The following SEC63 variants were observed in gnomAD, a reference collection of about 807,000 sequenced individuals.
The protein encoded by SEC63 is translocation protein SEC63 homolog.
In SEC63, 56 loss-of-function variants were observed where a neutral mutation model predicts 116.2. The ratio of observed to expected loss-of-function variants is 0.48; its 90% CI spans 0.39 to 0.60. The LOEUF (loss-of-function observed/expected upper bound fraction) is 0.60, where lower values mean the gene tolerates loss of function less well. SEC63 is among the 20% of genes least tolerant of loss of function. The pLI is 0.00. For missense variants in SEC63, 668 were observed against 900.0 expected, an observed-to-expected ratio of 0.74 and a Z score of 3.30; for synonymous variants, 273 against 294.6, an observed-to-expected ratio of 0.93 and a Z score of 0.75.
chr6:107,951,657 A>T (rs1222055122), intron 1 of SEC63, among the ~76,000 whole-genome samples: 2 of 152,180 alleles, frequency 1.3e-5, no homozygotes, highest in African/African-American at 4.8e-5. Flanking sequence ...AATAAATCAG[A>T]GTATCTGGGG....
chr6:107,918,905 T>G (rs1411358042), intron 4 of SEC63, among the ~76,000 whole-genome samples: 1 of 1,872 alleles, frequency 5.3e-4, no homozygotes, highest in African/African-American at 1.4e-3. Flanking sequence ...GCTGATTTCC[T>G]TTTTTTTTTT....
intron 1 of SEC63, 93 bp downstream of exon 1, chr6:107,957,793 C>T: frequency 7.8e-7 from 1 of 1,287,392 alleles, no homozygotes. Context: ...ATCCCGGACG[C>T]CGCGGGCTGG....
At chr6:107,925,232 G>C (rs901565179) in intron 2 of SEC63, among the ~76,000 whole-genome samples, 1 of 152,114 alleles carries the variant, frequency 6.6e-6, no homozygotes, top group Non-Finnish European at 1.5e-5. Flanking sequence ...CATTAAATTA[G>C]ATCAAAATAA....
chr6:107,875,058 CTCA>C (rs1455846662), intron 19 of SEC63, among the ~76,000 whole-genome samples: 3 of 151,856 alleles, frequency 2.0e-5, no homozygotes, highest in Admixed American at 2.0e-4. Flanking sequence ...GAGACAGGGT[CTCA>C]CCACGTTGCC....
In SEC63 at chr6:107,940,761, T is replaced by C. The variant is rs1039159400; in HGVS notation, c.125-11247A>G. Among the ~76,000 whole-genome samples the C allele has an allele frequency of 5.3e-4, 78 of 148,332 alleles. 1 individual carries two copies. Among genetic ancestry groups the C allele is most frequent in the African/African-American group, 1.8e-3 (71 of 40,560 alleles). ...GAATAAATGGATGAAAACGCAACAA[T>C]TGTCTTTTCCCATTCCCTTAAAAGT... On this transcript the variant is annotated intron_variant, in intron 1 of 20. Coordinates refer to ENST00000369002, the MANE Select transcript of SEC63 (RefSeq NM_007214.5).
chr6:107,929,586 TAACTAACCTTCA>T, intron 1 of SEC63, 72 bp from the exon 2 acceptor site: 3 of 841,706 alleles, frequency 3.6e-6, no homozygotes, highest in Non-Finnish European at 4.1e-6. Context: ...GCTAACTGGT[TAACTAACCTTCA>T]TTACCACGCT....
chr6:107,957,797 G>C (rs946210001), intron 1 of SEC63, 89 bp downstream of exon 1: 133 of 1,293,366 alleles, frequency 1.0e-4, no homozygotes, highest in Non-Finnish European at 1.3e-4. Flanking sequence ...CGGACGCCGC[G>C]GGCTGGGGCC....
rs776218043 is a variant in SEC63 at position 107,871,778 on chromosome 6, C to T, written c.2209G>A (p.Glu737Lys). The change falls in exon 21 of 21, where the codon GAA becomes AAA. Residue 737 changes from glutamate (E) to lysine (K), a missense_variant. This residue lies in a region of SEC63 where 85 missense variants were observed against 116.3 expected (regional missense o/e 0.73). Transcript: ENST00000369002. The stretch of plus-strand genomic sequence containing the variant: ...AAGCCCTCACTGTCCTCCTGGTCTT[C>T]ATCCCCCTCTATTGCTGTATCCCAC... ...PQWDTAIEGDEDQEDSEGFED... is the reference protein window; with the variant it reads ...PQWDTAIEGDKDQEDSEGFED... 2 of 1,613,774 alleles carry T rather than the reference C, an allele frequency of 1.2e-6. No homozygotes were observed. The highest frequency in any genetic ancestry group is 2.2e-5 in the East Asian group (1 of 44,884).
chr6:107,902,967 G>C lies in SEC63; in HGVS notation c.1086C>G (p.Ser362=). The part of the protein sequence containing the change: ...EREFRAPTLA[S]LENCMKLSQM... ...GAGAAAGCTTCATGCAGTTTTCTAG[G>C]GATGCCAAAGTTGGAGCACGAAACT... The change falls in exon 12 of 21, where the codon TCC becomes TCG. Residue 362 remains serine, a synonymous_variant. Coordinates refer to ENST00000369002, the MANE Select transcript of SEC63 (RefSeq NM_007214.5). 3 of 1,613,928 alleles carry C rather than the reference G, an allele frequency of 1.9e-6. No homozygotes were observed. Among genetic ancestry groups the C allele is most frequent in the Non-Finnish European group, 2.5e-6 (3 of 1,179,964 alleles).
At chr6:107,947,655 G>A (rs1327434042) in intron 1 of SEC63, among the ~76,000 whole-genome samples, 1 of 152,110 alleles carries the variant, frequency 6.6e-6, no homozygotes, top group Non-Finnish European at 1.5e-5. Flanking sequence ...GCTTTCAAGA[G>A]GACAAGAAAT....
chr6:107,875,077 T>C (rs1412758257), intron 19 of SEC63, among the ~76,000 whole-genome samples: 2 of 152,122 alleles, frequency 1.3e-5, no homozygotes, highest in Admixed American at 1.3e-4. Context: ...TTGCCCAGAC[T>C]GCTGCTGAAT....
At chr6:107,942,411 G>A (rs1770396307) in intron 1 of SEC63, among the ~76,000 whole-genome samples, 1 of 152,196 alleles carries the variant, frequency 6.6e-6, no homozygotes, top group Admixed American at 6.5e-5. Flanking sequence ...CCAGTTCCCT[G>A]GAATAGAGGA....
At chr6:107,877,638 A>G (rs1338392445) in intron 18 of SEC63, among the ~76,000 whole-genome samples, 2 of 152,020 alleles carry the variant, frequency 1.3e-5, no homozygotes, top group African/African-American at 2.4e-5. Flanking sequence ...ACAAGATTTC[A>G]TTTATGTTGC....
At chr6:107,922,078 A>ATG (rs2085320401) in intron 3 of SEC63, among the ~76,000 whole-genome samples, 169 bp from the exon 4 acceptor site, 1 of 7,288 alleles carries the variant, frequency 1.4e-4, no homozygotes, top group Non-Finnish European at 3.0e-4. Context: ...ATTTCATCCC[A>ATG]TATATTAAAT....
intron 1 of SEC63, among the ~76,000 whole-genome samples, chr6:107,953,110 A>G (rs1277920226): frequency 6.6e-6 from 1 of 152,206 alleles, no homozygotes; most frequent in Non-Finnish European, 1.5e-5. Context: ...AAATACAAAA[A>G]TAAGCCAGGC....
intron 1 of SEC63, among the ~76,000 whole-genome samples, chr6:107,934,481 C>G (rs1429863974): frequency 1.4e-5 from 2 of 144,758 alleles, no homozygotes; most frequent in Non-Finnish European, 3.1e-5. Context: ...CTCTGCCCGG[C>G]CGCTCCATCT....
At chr6:107,878,006 A>T (rs1395834007) in intron 18 of SEC63, among the ~76,000 whole-genome samples, 1 of 152,256 alleles carries the variant, frequency 6.6e-6, no homozygotes, top group African/African-American at 2.4e-5. Flanking sequence ...TATACATAAC[A>T]TATGTGTGTA....
chr6:107,898,420 T>A (rs1786916970), intron 13 of SEC63, among the ~76,000 whole-genome samples: 1 of 152,064 alleles, frequency 6.6e-6, no homozygotes, highest in South Asian at 2.1e-4. Flanking sequence ...AAAAATAGGG[T>A]TCTGTCACCC....
At chr6:107,879,210 C>A (rs1214544901) in intron 18 of SEC63, among the ~76,000 whole-genome samples, 3 of 152,224 alleles carry the variant, frequency 2.0e-5, no homozygotes, top group African/African-American at 7.2e-5. Context: ...GTCACCAAGG[C>A]TGGAATGCAA....
Sources: gnomAD v4.1 joint callset for allele counts (sites outside exome capture counted in the v4.1 genomes callset) on GRCh38, gnomAD v4.1.1 for gene constraint, gnomAD v4.1.1 regional missense constraint, MANE v1.5 for transcripts, NCBI Gene and HGNC (gene_info 2026-07-23, HGNC 2026-07-21) for gene names.